Variants in KHDRBS3 observed in about 807,000 individuals in gnomAD.
KHDRBS3 encodes the protein KH RNA binding domain containing, signal transduction associated 3, also known as KH domain-containing, RNA-binding, signal transduction-associated protein 3.
In KHDRBS3, 23 loss-of-function variants were observed where a neutral mutation model predicts 45.6. The observed-to-expected ratio is 0.50, with a 90% CI of 0.36 to 0.72. The LOEUF is 0.72. KHDRBS3 is among the 30% of genes least tolerant of loss of function. The probability of loss-of-function intolerance (pLI) is 0.00; values close to 1 mark genes in which losing one functional copy is unlikely to be tolerated. For synonymous variants in KHDRBS3, 162 were observed against 156.5 expected, an observed-to-expected ratio of 1.04 and a Z score of -0.26; for missense variants, 352 against 424.8, an observed-to-expected ratio of 0.83 and a Z score of 1.51.
chr8:135,569,600 A>G (rs531536428), intron 5 of KHDRBS3, among the ~76,000 whole-genome samples: 1 of 152,294 alleles, frequency 6.6e-6, no homozygotes, highest in East Asian at 1.9e-4. Context: ...CCTTCCTTGT[A>G]ATTTCCTGGA....
intron 7 of KHDRBS3, among the ~76,000 whole-genome samples, chr8:135,628,062 T>C (rs146773005): frequency 6.6e-6 from 1 of 152,300 alleles, no homozygotes; most frequent in African/African-American, 2.4e-5. Context: ...GTTGTTCTGC[T>C]TGGAATGATT....
intron 1 of KHDRBS3, among the ~76,000 whole-genome samples, chr8:135,483,976 C>A (rs1822718288): frequency 6.6e-6 from 1 of 152,100 alleles, no homozygotes; most frequent in African/African-American, 2.4e-5. Context: ...GATGAGGCCT[C>A]TGGAATTGGA....
chr8:135,639,974 A>G (rs4909501), intron 7 of KHDRBS3, among the ~76,000 whole-genome samples: 131,100 of 152,132 alleles, frequency 0.86, 56,610 homozygotes, highest in East Asian at 1. Flanking sequence ...TCGGCTGTGG[A>G]AGTTAAAGAA....
chr8:135,518,199 G>T (rs535745569), intron 1 of KHDRBS3, among the ~76,000 whole-genome samples: 1 of 151,980 alleles, frequency 6.6e-6, no homozygotes, highest in Non-Finnish European at 1.5e-5. Flanking sequence ...TTGAGACGGG[G>T]TCTTGCTCTG....
At chr8:135,590,003 A>G (rs1828673841) in intron 6 of KHDRBS3, among the ~76,000 whole-genome samples, 1 of 152,244 alleles carries the variant, frequency 6.6e-6, no homozygotes, top group Admixed American at 6.5e-5. Flanking sequence ...GAGGCAAAAT[A>G]CAGTCAAGTA....
chr8:135,568,262 G>A (rs1478906616), intron 5 of KHDRBS3, among the ~76,000 whole-genome samples: 5 of 152,020 alleles, frequency 3.3e-5, no homozygotes, highest in Middle Eastern at 3.2e-3. Flanking sequence ...AAAACTATAA[G>A]CATGATTGGC....
At chr8:135,467,369 A>T (rs955429864) in intron 1 of KHDRBS3, among the ~76,000 whole-genome samples, 2 of 152,244 alleles carry the variant, frequency 1.3e-5, no homozygotes, top group Admixed American at 1.3e-4. Context: ...AGGAAGTTTA[A>T]CAACCACACA....
At chr8:135,466,810 A>C (rs1334824010) in intron 1 of KHDRBS3, among the ~76,000 whole-genome samples, 1 of 152,196 alleles carries the variant, frequency 6.6e-6, no homozygotes, top group African/African-American at 2.4e-5. Flanking sequence ...AGGACTTAAA[A>C]AATTTATCCT....
chr8:135,567,038 C>T (rs768721268), intron 5 of KHDRBS3, among the ~76,000 whole-genome samples: 5 of 152,148 alleles, frequency 3.3e-5, no homozygotes, highest in African/African-American at 7.2e-5. Context: ...TGCATAATTA[C>T]TCCTGAACGC....
chr8:135,542,381 C>T (rs771473545), intron 2 of KHDRBS3: 9 of 351,284 alleles, frequency 2.6e-5, no homozygotes, highest in South Asian at 1.7e-4. Context: ...GGATAGCAAC[C>T]GAGGAATTCT....
intron 6 of KHDRBS3, among the ~76,000 whole-genome samples, chr8:135,603,674 T>C (rs1829320252): frequency 6.6e-6 from 1 of 152,206 alleles, no homozygotes; most frequent in Non-Finnish European, 1.5e-5. Flanking sequence ...TTTTTTTAAA[T>C]ATTAGTGATC....
chr8:135,503,767 G>A (rs1176066967), intron 1 of KHDRBS3, among the ~76,000 whole-genome samples: 3 of 152,044 alleles, frequency 2.0e-5, no homozygotes, highest in Admixed American at 6.6e-5. Context: ...ATTTTACCAC[G>A]TCCATACCCT....
intron 6 of KHDRBS3, among the ~76,000 whole-genome samples, chr8:135,603,431 C>T (rs1339204607): frequency 6.6e-6 from 1 of 152,156 alleles, no homozygotes; most frequent in Non-Finnish European, 1.5e-5. Flanking sequence ...TGTTTGTTGT[C>T]TGATAGCTTT....
chr8:135,606,530 C>T (rs1045552018), intron 6 of KHDRBS3, among the ~76,000 whole-genome samples: 3 of 152,032 alleles, frequency 2.0e-5, no homozygotes, highest in South Asian at 4.1e-4. Context: ...CTTATTCTGC[C>T]CCCTCCAGCA....
intron 4 of KHDRBS3, among the ~76,000 whole-genome samples, chr8:135,552,231 C>A (rs1653108506): frequency 6.6e-6 from 1 of 152,106 alleles, no homozygotes; most frequent in Admixed American, 6.6e-5. Flanking sequence ...CCCCCCACCA[C>A]ACCCCCTAAT....
intron 1 of KHDRBS3, among the ~76,000 whole-genome samples, chr8:135,473,529 T>C (rs893890309): frequency 2.6e-5 from 4 of 152,094 alleles, no homozygotes; most frequent in African/African-American, 7.2e-5. Context: ...TAGACAGATA[T>C]ACACTTTTTA....
chr8:135,514,151 A>G (rs1824446524), intron 1 of KHDRBS3, among the ~76,000 whole-genome samples: 2 of 152,220 alleles, frequency 1.3e-5, no homozygotes, highest in South Asian at 4.1e-4. Context: ...GTAGGAGAAT[A>G]AAGTGAAGGG....
intron 7 of KHDRBS3, among the ~76,000 whole-genome samples, chr8:135,633,229 CAT>C (rs1357373195): frequency 6.6e-6 from 1 of 152,128 alleles, no homozygotes; most frequent in African/African-American, 2.4e-5. Flanking sequence ...ATGATTGTCT[CAT>C]ATTATTTGAT....
At chr8:135,618,843 G>T (rs1053891106) in intron 7 of KHDRBS3, among the ~76,000 whole-genome samples, 2 of 152,154 alleles carry the variant, frequency 1.3e-5, no homozygotes, top group Non-Finnish European at 2.9e-5. Context: ...GAACAGTTTA[G>T]TGTGGAGCCT....
Sources: gnomAD v4.1 joint callset for allele counts (sites outside exome capture counted in the v4.1 genomes callset) on GRCh38, gnomAD v4.1.1 for gene constraint, MANE v1.5 for transcripts, NCBI Gene and HGNC (gene_info 2026-07-23, HGNC 2026-07-21) for gene names.